LYPLAL1: variants seen among roughly 807,000 people sequenced by gnomAD.
The protein encoded by LYPLAL1 is lysophospholipase like 1, also known as lysophospholipase-like protein 1.
In LYPLAL1, 23 loss-of-function variants were observed where a neutral mutation model predicts 19.7. The observed-to-expected ratio is 1.17, with a 90% confidence interval of 0.84 to 1.65. The LOEUF is 1.65. Ranked by LOEUF, LYPLAL1 falls within the 40% of genes most tolerant of loss-of-function variation. The pLI, the probability that LYPLAL1 is intolerant of heterozygous loss-of-function variation, is 0.00. For synonymous variants in LYPLAL1, 119 were observed against 96.3 expected, an observed-to-expected ratio of 1.24 and a Z score of -1.38; for missense variants, 355 against 279.4, an observed-to-expected ratio of 1.27 and a Z score of -1.93.
At chr1:219,324,548 T>C in the LYPLAL1 span, among the ~76,000 whole-genome samples, 1 of 152,208 alleles carries the variant, frequency 6.6e-6, no homozygotes, top group Admixed American at 6.5e-5. Flanking sequence ...AGGAATTGGA[T>C]AACCATGAAG....
the LYPLAL1 span, among the ~76,000 whole-genome samples, chr1:219,399,994 T>A: frequency 6.6e-6 from 1 of 152,158 alleles, no homozygotes; most frequent in African/African-American, 2.4e-5. Flanking sequence ...GGAGTGTCTG[T>A]GGTGGTCAAG....
chr1:219,214,360 G>A (rs983048776), downstream of LYPLAL1, among the ~76,000 whole-genome samples: 3 of 151,918 alleles, frequency 2.0e-5, no homozygotes, highest in African/African-American at 7.3e-5. Flanking sequence ...CTTTGGTTTT[G>A]GTATCAGGAC....
intron 1 of LYPLAL1, among the ~76,000 whole-genome samples, chr1:219,177,623 T>A (rs139917901): frequency 6.6e-6 from 1 of 152,334 alleles, no homozygotes; most frequent in Non-Finnish European, 1.5e-5. Context: ...ATGAGACCTT[T>A]TACTGTTGAC....
the LYPLAL1 span, among the ~76,000 whole-genome samples, chr1:219,363,902 A>G: frequency 1.3e-5 from 2 of 152,170 alleles, no homozygotes; most frequent in African/African-American, 4.8e-5. Context: ...TCATCATGGT[A>G]ATTCCAGGCT....
chr1:219,210,535 G>T lies in LYPLAL1; in HGVS notation c.365G>T (p.Gly122Val). Residue 122 changes from glycine to valine, a missense_variant, in exon 4 of 5, where the codon GGA becomes GTA. By Grantham distance (109) the Gly-to-Val change is moderately radical (BLOSUM62 -3). Transcript: ENST00000366928. ...GIKKNRILIGGFSMGGCMAIH... is the reference protein window; with the variant it reads ...GIKKNRILIGVFSMGGCMAIH... ...TTAAGTATGTTTTTGTTTTTAGGAG[G>T]ATTCTCTATGGGAGGATGCATGGCA... 6.3e-7 allele frequency: 1 copy of T among 1,578,500 alleles called. No individual in the cohort carries two copies.
chr1:219,417,306 G>T, the LYPLAL1 span, among the ~76,000 whole-genome samples: 11 of 151,996 alleles, frequency 7.2e-5, no homozygotes, highest in African/African-American at 2.7e-4. Context: ...ATTATTATTG[G>T]ACTGAATCAA....
At chr1:219,269,421 G>A in the LYPLAL1 span, among the ~76,000 whole-genome samples, 4 of 151,810 alleles carry the variant, frequency 2.6e-5, no homozygotes, top group African/African-American at 9.7e-5. Flanking sequence ...AGACTTCACA[G>A]GTAGTGGAAA....
the LYPLAL1 span, among the ~76,000 whole-genome samples, chr1:219,405,854 G>A: frequency 6.6e-6 from 1 of 152,180 alleles, no homozygotes; most frequent in Non-Finnish European, 1.5e-5. Flanking sequence ...GAGGTCACTT[G>A]CTTCAGTCCT....
chr1:219,375,549 G>T, the LYPLAL1 span, among the ~76,000 whole-genome samples: 1 of 149,574 alleles, frequency 6.7e-6, no homozygotes, highest in African/African-American at 2.5e-5. Context: ...TAACAACAGT[G>T]GGAAAGAGAA....
intron 3 of LYPLAL1, among the ~76,000 whole-genome samples, chr1:219,207,320 A>G (rs1039987653): frequency 6.6e-6 from 1 of 152,084 alleles, no homozygotes; most frequent in African/African-American, 2.4e-5. Context: ...ATGGCATAAG[A>G]GCTTTTAAAA....
chr1:219,372,633 C>T, the LYPLAL1 span, among the ~76,000 whole-genome samples: 1 of 152,162 alleles, frequency 6.6e-6, no homozygotes, highest in East Asian at 1.9e-4. Flanking sequence ...GGCCTGCTGG[C>T]TCACACCTGT....
intron 2 of LYPLAL1, among the ~76,000 whole-genome samples, chr1:219,186,017 T>G (rs1000962728): frequency 2.0e-5 from 3 of 151,878 alleles, no homozygotes; most frequent in African/African-American, 7.2e-5. Context: ...GAAGGTATTT[T>G]TCTGGCCAGT....
At chr1:219,236,816 C>T in the LYPLAL1 span, among the ~76,000 whole-genome samples, 2 of 152,078 alleles carry the variant, frequency 1.3e-5, no homozygotes, top group South Asian at 2.1e-4. Flanking sequence ...CATAGGTAAA[C>T]GTGTGCCATG....
At chr1:219,297,161 A>G in the LYPLAL1 span, among the ~76,000 whole-genome samples, 1 of 152,170 alleles carries the variant, frequency 6.6e-6, no homozygotes, top group Non-Finnish European at 1.5e-5. Flanking sequence ...TCACAATTGG[A>G]AGCAAATCTG....
the LYPLAL1 span, among the ~76,000 whole-genome samples, chr1:219,327,847 C>G: frequency 6.6e-6 from 1 of 152,236 alleles, no homozygotes; most frequent in East Asian, 1.9e-4. Flanking sequence ...GTAAGATGTG[C>G]CTTTCATCTT....
the LYPLAL1 span, among the ~76,000 whole-genome samples, chr1:219,219,433 C>T: frequency 6.6e-6 from 1 of 152,190 alleles, no homozygotes; most frequent in Admixed American, 6.5e-5. Context: ...CAAGTTAACA[C>T]TTGTTAGGCC....
chr1:219,184,972 TGAG>T (rs1280928204), intron 2 of LYPLAL1, among the ~76,000 whole-genome samples: 1 of 151,962 alleles, frequency 6.6e-6, no homozygotes, highest in Admixed American at 6.6e-5. Flanking sequence ...TCTCTGTGTC[TGAG>T]TTTATGTTAT....
At chr1:219,241,114 C>G in the LYPLAL1 span, among the ~76,000 whole-genome samples, 1 of 91,050 alleles carries the variant, frequency 1.1e-5, no homozygotes, top group Non-Finnish European at 2.4e-5. Flanking sequence ...CTCTCTCTCT[C>G]TCTCTCTCTC....
At chr1:219,354,022 G>C in the LYPLAL1 span, among the ~76,000 whole-genome samples, 2 of 152,266 alleles carry the variant, frequency 1.3e-5, no homozygotes, top group South Asian at 4.1e-4. Flanking sequence ...AAGAAGTTAA[G>C]ATCAAGGAAC....
Sources: gnomAD v4.1 joint callset for allele counts (sites outside exome capture counted in the v4.1 genomes callset) on GRCh38, gnomAD v4.1.1 for gene constraint, MANE v1.5 for transcripts, NCBI Gene and HGNC (gene_info 2026-07-23, HGNC 2026-07-21) for gene names.